SPPL2B: variants seen among roughly 807,000 people sequenced by gnomAD.
SPPL2B encodes signal peptide peptidase-like 2B.
SPPL2B carries 39 observed loss-of-function variants against 59.7 expected under a neutral mutation model. The observed-to-expected ratio is 0.65, with a 90% CI of 0.51 to 0.85. SPPL2B has a LOEUF of 0.85. SPPL2B is among the 40% of genes least tolerant of loss of function. SPPL2B has a pLI of 0.00. For synonymous variants in SPPL2B, 419 were observed against 370.8 expected (o/e 1.13, Z -1.49); for missense variants, 865 against 849.0 (o/e 1.02, Z -0.23).
chr19:2,333,556 C>A (rs1277571877), intron 1 of SPPL2B, among the ~76,000 whole-genome samples: 1 of 152,232 alleles, frequency 6.6e-6, no homozygotes, highest in Non-Finnish European at 1.5e-5. Context: ...TGGTCCAGGC[C>A]CGTCTACTCC....
chr19:2,332,759 C>T lies in SPPL2B; in HGVS notation c.67-1843C>T, dbSNP rs558692131. Among the ~76,000 whole-genome samples, 82 of 152,254 alleles carry T rather than the reference C, an allele frequency of 5.4e-4. No homozygotes were observed. Among genetic ancestry groups the T allele is most frequent in the South Asian group, 2.5e-3 (12 of 4,818 alleles). On this transcript the variant is annotated intron_variant, in intron 1 of 14. Transcript: ENST00000613503. This position sits in a 1 kb window ranked among gnomAD's most constrained non-coding sequence, Gnocchi z 4.6. ...TGGGACCCCTCCTCCCTGTGCAGGC[C>T]GGGCTCCCCTGGGGGCCCACACTGA...
intron 13 of SPPL2B, among the ~76,000 whole-genome samples, chr19:2,349,112 A>G (rs377244230): frequency 2.3e-3 from 31 of 13,460 alleles, no homozygotes; most frequent in East Asian, 4.8e-3. Context: ...GCTTGATTCC[A>G]TTCTCTCCCT....
At chr19:2,343,859 G>A in intron 9 of SPPL2B, 106 bp from the exon 10 acceptor site, 1 of 831,750 alleles carries the variant, frequency 1.2e-6, no homozygotes, top group Admixed American at 2.1e-5. Context: ...CTCTGCTCAG[G>A]TTCCTTTAAA....
intron 12 of SPPL2B, 59 bp downstream of exon 12, chr19:2,344,711 A>T: frequency 8.7e-7 from 1 of 1,154,618 alleles, no homozygotes; most frequent in Non-Finnish European, 1.3e-6. Context: ...CGGGCGGCTG[A>T]GGTTTGCCTT....
At chr19:2,330,275 A>ATTTTTTT (rs71176540) in intron 1 of SPPL2B, 11,497 of 131,998 alleles carry the variant, frequency 0.087, 687 homozygotes, top group Non-Finnish European at 0.1. Context: ...TCCTGGCTAA[A>ATTTTTTT]TTTTTTTTTT....
intron 10 of SPPL2B, 26 bp from the exon 11 acceptor site, chr19:2,344,336 C>A: frequency 2.7e-6 from 4 of 1,465,646 alleles, no homozygotes; most frequent in Non-Finnish European, 3.7e-6. Flanking sequence ...TCACCACGCT[C>A]CCTCACTCAA....
In SPPL2B at chr19:2,337,473, T is replaced by C. The variant is rs1475595910; in HGVS notation, c.217T>C (p.Ser73Pro). 1.2e-6 allele frequency: 2 copies of C among 1,611,520 alleles called. No individual in the cohort carries two copies. The highest frequency in any genetic ancestry group is 1.1e-5 in the South Asian group (1 of 90,836). ...SFLQLRNWTA[S>P]LLCSAADLPA... ...CCTGCAGCTGCGCAACTGGACGGCC[T>C]CCCTGCTCTGCTCCGCAGCCGACCT... is the stretch of plus-strand genomic sequence containing the variant. The change falls in exon 3 of 15, where the codon TCC (serine) becomes CCC (proline). Residue 73 changes from serine to proline, a missense_variant. By Grantham distance (74) the Ser-to-Pro change is moderately conservative (BLOSUM62 -1). Coordinates refer to ENST00000613503, the MANE Select transcript of SPPL2B (RefSeq NM_152988.3).
Position 2,353,139 on chromosome 19 carries a change from G to T in SPPL2B, c.1709G>T (p.Ser570Ile), listed in dbSNP as rs1334021782. 1.2e-6 allele frequency: 2 copies of T among 1,610,778 alleles called. No homozygotes were observed. The highest frequency in any genetic ancestry group is 1.7e-6 in the Non-Finnish European group (2 of 1,179,298). ...GAGAPMREPG[S>I]PAESEGRDQA... ...GGAGCCCCCATGCGGGAGCCTGGGA[G>T]CCCAGCTGAATCCGAGGGCCGGGAC... is the stretch of plus-strand genomic sequence containing the variant. Residue 570 changes from serine to isoleucine, a missense_variant, in exon 15 of 15, where the codon AGC becomes ATC. Ser to Ile is a moderately radical substitution (Grantham distance 142). Transcript: ENST00000613503.
At chr19:2,350,206 T>C (rs56058112) in intron 13 of SPPL2B, among the ~76,000 whole-genome samples, 10,208 of 83,312 alleles carry the variant, frequency 0.12, 1,158 homozygotes, top group African/African-American at 0.34. Context: ...CACACACTCG[T>C]GCTCTCATTG....
chr19:2,337,884 G>A, intron 3 of SPPL2B: 3 of 460,380 alleles, frequency 6.5e-6, no homozygotes, highest in Admixed American at 8.0e-5. Flanking sequence ...TTGGGTGCCT[G>A]TCCTAGAGCA....
Position 2,332,055 on chromosome 19 carries a change from C to T in SPPL2B, c.67-2547C>T, listed in dbSNP as rs1207744084. 2.0e-5 allele frequency among the ~76,000 whole-genome samples: 3 copies of T among 152,226 alleles called. No individual in the cohort carries two copies. In the East Asian group the frequency reaches 5.8e-4, roughly 29 times the overall value. On this transcript the variant is annotated intron_variant, in intron 1 of 14. Transcript: ENST00000613503. The surrounding 1 kb of genome is among the most constrained non-coding windows in gnomAD (Gnocchi z 4.6). ...ACTAAGGGGTGCTCTCACGGGCAGGCAGTCTGGTGGGCAGAACTGGAAAGA... is the reference window on the plus strand; with the variant it reads ...ACTAAGGGGTGCTCTCACGGGCAGGTAGTCTGGTGGGCAGAACTGGAAAGA...
intron 7 of SPPL2B, chr19:2,340,611 G>T: frequency 1.8e-6 from 1 of 552,368 alleles, no homozygotes; most frequent in South Asian, 2.0e-5. Context: ...GTCCCTGGGT[G>T]AGGAGGTGGG....
intron 5 of SPPL2B, 115 bp downstream of exon 5, chr19:2,339,323 C>T: frequency 8.5e-7 from 1 of 1,174,686 alleles, no homozygotes; most frequent in Non-Finnish European, 1.2e-6. Context: ...GCACGGCTCG[C>T]CCCGTGGAGC....
At chr19:2,348,208 CACA>C (rs1168455733) in intron 13 of SPPL2B, among the ~76,000 whole-genome samples, 1 of 109,554 alleles carries the variant, frequency 9.1e-6, no homozygotes, top group South Asian at 3.5e-4. Flanking sequence ...GTTCTCTCTC[CACA>C]CACACACACT....
intron 4 of SPPL2B, 26 bp downstream of exon 4, chr19:2,338,867 C>T (rs145296258): frequency 1.9e-5 from 30 of 1,605,148 alleles, no homozygotes; most frequent in African/African-American, 6.7e-5. Flanking sequence ...CTCAGACCCA[C>T]GCTCCCGAGG....
At chr19:2,342,945 T>A in intron 8 of SPPL2B, 1 of 482,530 alleles carries the variant, frequency 2.1e-6, no homozygotes, top group Non-Finnish European at 3.8e-6. Context: ...CTGTGTCCAC[T>A]GTCCTGGCTG....
At position 2,337,469 on chromosome 19, in the gene SPPL2B, G is replaced by C; in HGVS notation, c.213G>C (p.Thr71=). 4 of 1,608,916 alleles carry C rather than the reference G, an allele frequency of 2.5e-6. No homozygotes were observed. The highest frequency in any genetic ancestry group is 3.4e-6 in the Non-Finnish European group (4 of 1,177,058). The part of the protein sequence containing the change: ...KASFLQLRNW[T]ASLLCSAADL... ...CTTTCCTGCAGCTGCGCAACTGGAC[G>C]GCCTCCCTGCTCTGCTCCGCAGCCG... is the stretch of plus-strand genomic sequence containing the variant. The change falls in exon 3 of 15, where the codon ACG becomes ACC. Residue 71 remains threonine (T), a synonymous_variant. Transcript: ENST00000613503.
chr19:2,344,301 C>T, intron 10 of SPPL2B, 61 bp from the exon 11 acceptor site: 4 of 751,512 alleles, frequency 5.3e-6, no homozygotes, highest in Middle Eastern at 3.8e-4. Flanking sequence ...GCCCCATCAC[C>T]CCACTCCCCT....
chr19:2,335,508 C>T (rs1365903492), intron 2 of SPPL2B, among the ~76,000 whole-genome samples: 4 of 151,166 alleles, frequency 2.6e-5, no homozygotes, highest in Non-Finnish European at 5.9e-5. Flanking sequence ...CTGCATCCCT[C>T]AGGCCCCGCC....
Sources: gnomAD v4.1 joint callset for allele counts (sites outside exome capture counted in the v4.1 genomes callset) on GRCh38, gnomAD v4.1.1 for gene constraint, Gnocchi (gnomAD v3.1) non-coding constraint, MANE v1.5 for transcripts, NCBI Gene and HGNC (gene_info 2026-07-23, HGNC 2026-07-21) for gene names.